The following DCHS1 variants were observed in gnomAD, a reference collection of about 807,000 sequenced individuals.
DCHS1 encodes the protein dachsous cadherin-related 1, also known as protocadherin-16.
Under a neutral mutation model 213.9 loss-of-function variants are expected in DCHS1, and 78 were observed. The ratio of observed to expected loss-of-function variants is 0.36; its 90% CI spans 0.30 to 0.44. The LOEUF is 0.44. Among genes scored for constraint, DCHS1 ranks in the 20% least tolerant of loss-of-function variants. DCHS1 has a pLI of 1.00. For synonymous variants in DCHS1, 1,828 were observed against 1,873.7 expected (o/e 0.98, Z 0.63); for missense variants, 3,946 against 4,395.9 (o/e 0.90, Z 2.89).
intron 1 of DCHS1, 129 bp downstream of exon 1, chr11:6,655,433 AG>A: frequency 4.0e-6 from 2 of 495,784 alleles, no homozygotes; most frequent in East Asian, 3.5e-4. Flanking sequence ...CCGCAGGCCC[AG>A]GCCCCCCCTC....
At chr11:6,651,921 C>T (rs1034516852) in intron 1 of DCHS1, among the ~76,000 whole-genome samples, 5 of 152,080 alleles carry the variant, frequency 3.3e-5, no homozygotes, top group Non-Finnish European at 7.3e-5. Flanking sequence ...AGCAGGTATG[C>T]AGAAATGTGG....
intron 1 of DCHS1, among the ~76,000 whole-genome samples, chr11:6,650,623 G>A (rs1318023327): frequency 6.6e-6 from 1 of 152,134 alleles, no homozygotes; most frequent in African/African-American, 2.4e-5. Flanking sequence ...GCCAGGAGTT[G>A]GAGGGCTCAG....
At chr11:6,631,911 C>T (rs1426190575) in intron 6 of DCHS1, 102 bp from the exon 7 acceptor site, 20 of 1,443,604 alleles carry the variant, frequency 1.4e-5, no homozygotes, top group Non-Finnish European at 1.8e-5. Context: ...GAGGGAATGC[C>T]AGGGCTAAAT....
intron 1 of DCHS1, among the ~76,000 whole-genome samples, chr11:6,648,582 C>T (rs1406771205): frequency 4.6e-5 from 7 of 152,140 alleles, no homozygotes; most frequent in African/African-American, 1.4e-4. Flanking sequence ...GATTCATTCA[C>T]CAATACATGC....
In DCHS1 at chr11:6,623,680, C is replaced by T. The variant is rs752380331; in HGVS notation, c.7996G>A (p.Asp2666Asn). ...TGATGTCGAGCCTGGGTCTCACAGT[C>T]CAGGGCATGGGCCAGTCGCAAGGTG... ...SGTLRLAHAL[D>N]CETQARHQLV... The change falls in exon 21 of 21, where the codon GAC becomes AAC. Residue 2666 changes from aspartate to asparagine, a missense_variant. Physicochemically the swap from Asp to Asn is conservative, Grantham distance 23 (BLOSUM62 1). This residue lies in a region of DCHS1 where 3,384 missense variants were observed against 3,780.1 expected (regional missense o/e 0.90). Transcript: ENST00000299441. 3.7e-6 allele frequency: 6 copies of T among 1,613,832 alleles called. No individual in the cohort carries two copies. Among genetic ancestry groups the T allele is most frequent in the Non-Finnish European group, 4.2e-6 (5 of 1,179,890 alleles).
chr11:6,625,907 G>A lies in DCHS1; in HGVS notation c.6731+13C>T, dbSNP rs1340091920. The A allele has an allele frequency of 6.2e-7, 1 of 1,611,716 alleles. No individual in the cohort carries two copies. Among genetic ancestry groups the A allele is most frequent in the Non-Finnish European group, 8.5e-7 (1 of 1,179,014 alleles). On this transcript the variant is annotated intron_variant, in intron 17 of 20. Transcript: ENST00000299441. The surrounding 1 kb of genome is among the most constrained non-coding windows in gnomAD (Gnocchi z 5.3). ...CCAAGATGGGGTCTTGGGTCCACAG[G>A]GCCAGGCCTCACCGTGTTTCAGCCC...
At position 6,629,005 on chromosome 11, in the gene DCHS1, C is replaced by A. The variant is rs144781037; in HGVS notation, c.5162-175G>T. On this transcript the variant is annotated intron_variant, in intron 12 of 20. Coordinates refer to ENST00000299441, the MANE Select transcript of DCHS1 (RefSeq NM_003737.4). ...ACATAAACATACATGTGTCCTACCT[C>A]CCATGCTTGGTGCATGCAAGATATA... Among the ~76,000 whole-genome samples, 261 of 152,294 alleles carry A rather than the reference C, an allele frequency of 1.7e-3. 1 individual carries two copies. Among genetic ancestry groups the A allele is most frequent in the African/African-American group, 5.8e-3 (240 of 41,538 alleles).
Position 6,630,467 on chromosome 11 carries a change from G to A in DCHS1, c.4327C>T (p.Leu1443=), listed in dbSNP as rs1243296828. The A allele has an allele frequency of 2.0e-6, 3 of 1,526,158 alleles. No homozygotes were observed. Among genetic ancestry groups the A allele is most frequent in the Middle Eastern group, 1.8e-4 (1 of 5,692 alleles). 94.5% of individuals were successfully genotyped at this position (1,526,158 alleles called of 1,614,324 possible). Residue 1443 remains leucine, a synonymous_variant, in exon 10 of 21, where the codon CTG becomes TTG. Transcript: ENST00000299441. Reference sequence around the variant, plus strand: ...GGCTCCGGGTTCTCTGGCAGCGCCAGCGCCAGCGGGTCGCGCGCAAAGGCG... The same window carrying A: ...GGCTCCGGGTTCTCTGGCAGCGCCAACGCCAGCGGGTCGCGCGCAAAGGCG... ...APAFARDPLA[L]ALPENPEPGA... is the part of the protein sequence containing the mutation.
Position 6,629,700 on chromosome 11 carries a change from G to T in DCHS1, c.5007C>A (p.Leu1669=). Residue 1669 remains leucine (L), a synonymous_variant, in exon 11 of 21, where the codon CTC becomes CTA. Transcript: ENST00000299441. ...RENNPPGTSL[L]TLRATDPDVG... is the part of the protein sequence containing the mutation. ...CGTCGGGGTCGGTTGCTCGCAGGGT[G>T]AGCAGAGATGTGCCAGGAGGGTTGT... is the stretch of plus-strand genomic sequence containing the variant. 1 of 1,613,764 alleles carries T rather than the reference G, an allele frequency of 6.2e-7. No individual in the cohort carries two copies. The highest frequency in any genetic ancestry group is 8.5e-7 in the Non-Finnish European group (1 of 1,179,814).
intron 1 of DCHS1, among the ~76,000 whole-genome samples, chr11:6,648,677 C>A (rs1043443627): frequency 5.3e-5 from 8 of 152,154 alleles, no homozygotes; most frequent in Non-Finnish European, 4.4e-5. Flanking sequence ...CAGGGCCAAG[C>A]CAGCTGGATT....
intron 6 of DCHS1, 51 bp downstream of exon 6, chr11:6,631,980 C>G: frequency 6.7e-7 from 1 of 1,482,258 alleles, no homozygotes. Context: ...GAATGTTCAC[C>G]AGGCTGGGGA....
At position 6,622,109 on chromosome 11, in the gene DCHS1, T is replaced by C. The variant is rs1158318659; in HGVS notation, c.9567A>G (p.Glu3189=). ...VFTEIARLKD[E]ARPCPPAPRI... is the part of the protein sequence containing the mutation. ...GGGGAGCTGGGGGACATGGCCGAGCTTCATCCTTGAGCCGAGCGATCTCTG... is the reference window on the plus strand; with the variant it reads ...GGGGAGCTGGGGGACATGGCCGAGCCTCATCCTTGAGCCGAGCGATCTCTG... Residue 3189 remains glutamate, a synonymous_variant, in exon 21 of 21, where the codon GAA becomes GAG. Coordinates refer to ENST00000299441, the MANE Select transcript of DCHS1 (RefSeq NM_003737.4). The surrounding 1 kb of genome is among the most constrained non-coding windows in gnomAD (Gnocchi z 5.4). 2 of 1,613,168 alleles carry C rather than the reference T, an allele frequency of 1.2e-6. No homozygotes were observed. The highest frequency in any genetic ancestry group is 1.7e-6 in the Non-Finnish European group (2 of 1,179,796).
chr11:6,622,014 G>A lies in DCHS1; in HGVS notation c.9662C>T (p.Ala3221Val), dbSNP rs1394022643. Residue 3221 changes from alanine (A) to valine (V), a missense_variant, in exon 21 of 21, where the codon GCA becomes GTA. Coordinates refer to ENST00000299441, the MANE Select transcript of DCHS1 (RefSeq NM_003737.4). This position sits in a 1 kb window ranked among gnomAD's most constrained non-coding sequence, Gnocchi z 5.4. ...PGAKSVPPKP[A>V]NTAAARAIFP... The stretch of plus-strand genomic sequence containing the variant: ...GATGGCCCGGGCTGCAGCTGTGTTT[G>A]CTGGCTTGGGGGGCACAGACTTGGC... 1 of 1,613,302 alleles carries A rather than the reference G, an allele frequency of 6.2e-7. No homozygotes were observed. Among genetic ancestry groups the A allele is most frequent in the African/African-American group, 1.3e-5 (1 of 74,840 alleles).
chr11:6,624,529 GC>G, intron 20 of DCHS1, 139 bp from the exon 21 acceptor site: 1 of 1,289,180 alleles, frequency 7.8e-7, no homozygotes, highest in Non-Finnish European at 1.1e-6. Context: ...CAAGGGGATG[GC>G]CTCAAGGATT....
intron 1 of DCHS1, among the ~76,000 whole-genome samples, chr11:6,650,071 T>C (rs1269782933): frequency 6.6e-6 from 1 of 152,170 alleles, no homozygotes; most frequent in East Asian, 1.9e-4. Context: ...AGGCCATAAA[T>C]AGTGTGTCTG....
rs1369755436 is a variant in DCHS1, at chr11:6,628,635, T to C, written c.5357A>G (p.Gln1786Arg). 6.2e-7 allele frequency: 1 copy of C among 1,614,040 alleles called. No homozygotes were observed. The highest frequency in any genetic ancestry group is 8.5e-7 in the Non-Finnish European group (1 of 1,179,898). ...DPDVGANGQL[Q>R]YRILDGDPSG... The stretch of plus-strand genomic sequence containing the variant: ...AAGGTTCTCACCTAGGATGCGGTAC[T>C]GCAACTGCCCATTGGCTCCCACATC... The change falls in exon 13 of 21, where the codon CAG becomes CGG. Residue 1786 changes from glutamine (Q) to arginine (R), a missense_variant. Transcript: ENST00000299441. The surrounding 1 kb of genome is among the most constrained non-coding windows in gnomAD (Gnocchi z 4.3).
Position 6,624,716 on chromosome 11 carries a change from T to G in DCHS1, c.7285+14A>C. On this transcript the variant is annotated intron_variant, in intron 20 of 20. Transcript: ENST00000299441. ...ACAGTCAAAGGCAAGGGGCAGATCC[T>G]GGGAAAGACGCACCATTGTTGGGGT... The G allele has an allele frequency of 6.2e-7, 1 of 1,613,828 alleles. No homozygotes were observed. The highest frequency in any genetic ancestry group is 1.1e-5 in the South Asian group (1 of 91,056).
In DCHS1 at chr11:6,639,937, G is replaced by T. The variant is rs766148464; in HGVS notation, c.1677C>A (p.Ala559=). 1.2e-6 allele frequency: 2 copies of T among 1,614,054 alleles called. No homozygotes were observed. Residue 559 remains alanine (A), a synonymous_variant, in exon 2 of 21, where the codon GCC becomes GCA. Transcript: ENST00000299441. ...GGGCCACGCTAACTGTGGCAGAGGA[G>T]GCTAGAGGGGGCAGGCCACCATCTG... ...VATDGGLPPL[A]SSATVSVALQ...
chr11:6,623,285 G>T lies in DCHS1; in HGVS notation c.8391C>A (p.Val2797=). 1 of 1,588,018 alleles carries T rather than the reference G, an allele frequency of 6.3e-7. No homozygotes were observed. Among genetic ancestry groups the T allele is most frequent in the South Asian group, 1.1e-5 (1 of 87,270 alleles). Residue 2797 remains valine, a synonymous_variant, in exon 21 of 21, where the codon GTC becomes GTA. Transcript: ENST00000299441. ...AADAGNLSAS[V]TVSVLVTGED... ...CTCCAGTCACTAGCACCGACACAGT[G>T]ACAGAGGCTGAGAGATTCCCAGCAT...
Sources: gnomAD v4.1 joint callset for allele counts (sites outside exome capture counted in the v4.1 genomes callset) on GRCh38, gnomAD v4.1.1 for gene constraint, gnomAD v4.1.1 regional missense constraint, Gnocchi (gnomAD v3.1) non-coding constraint, MANE v1.5 for transcripts, NCBI Gene and HGNC (gene_info 2026-07-23, HGNC 2026-07-21) for gene names.